KLHL24: variants seen among roughly 807,000 people sequenced by gnomAD.
The protein encoded by KLHL24 is kelch like family member 24.
In KLHL24, 29 loss-of-function variants were observed where a neutral mutation model predicts 53.4. The observed-to-expected ratio is 0.54, with a 90% CI of 0.40 to 0.74. The LOEUF is 0.74. Among genes scored for constraint, KLHL24 ranks in the 30% least tolerant of loss-of-function variants. The pLI is 0.00. For missense variants in KLHL24, 504 were observed against 744.0 expected, an observed-to-expected ratio of 0.68 and a Z score of 3.75; for synonymous variants, 222 against 253.7, an observed-to-expected ratio of 0.88 and a Z score of 1.19.
At chr3:183,639,370 C>T (rs1240921232) in intron 1 of KLHL24, among the ~76,000 whole-genome samples, 3 of 152,256 alleles carry the variant, frequency 2.0e-5, no homozygotes, top group Admixed American at 6.5e-5. Context: ...GTGGCTCACG[C>T]CTGTAATCCC....
At chr3:183,654,716 T>A (rs898887576) in intron 3 of KLHL24, among the ~76,000 whole-genome samples, 1 of 152,184 alleles carries the variant, frequency 6.6e-6, no homozygotes, top group African/African-American at 2.4e-5. Flanking sequence ...TGAAATCTCT[T>A]TTACTTCAAA....
At chr3:183,676,349 G>A (rs773901870) in intron 7 of KLHL24, among the ~76,000 whole-genome samples, 13 of 152,160 alleles carry the variant, frequency 8.5e-5, no homozygotes, top group Non-Finnish European at 1.8e-4. Flanking sequence ...GCCTGCCTCG[G>A]CCTCCCAAAG....
At chr3:183,676,440 T>C (rs1711894025) in intron 7 of KLHL24, among the ~76,000 whole-genome samples, 1 of 152,354 alleles carries the variant, frequency 6.6e-6, no homozygotes, top group South Asian at 2.1e-4. Context: ...CGTGTGTGAT[T>C]GTTTACCCTT....
At chr3:183,649,460 A>G (rs1717809011) in intron 2 of KLHL24, among the ~76,000 whole-genome samples, 1 of 144,688 alleles carries the variant, frequency 6.9e-6, no homozygotes, top group Non-Finnish European at 1.5e-5. Context: ...TCAATACAGC[A>G]TTGGACATCT....
Position 183,650,992 on chromosome 3 carries a change from T to TA in KLHL24, c.637dup (p.Ile213AsnfsTer2). The TA allele has an allele frequency of 6.2e-7, 1 of 1,614,212 alleles. No individual in the cohort carries two copies. Among genetic ancestry groups the TA allele is most frequent in the Non-Finnish European group, 8.5e-7 (1 of 1,180,034 alleles). Reference sequence around the variant, plus strand: ...TTCTTGAGCTTGACAAAGATGAACTTATTGATTATATTTGTAGTGATGAAC... The same window carrying TA: ...TTCTTGAGCTTGACAAAGATGAACTTAATTGATTATATTTGTAGTGATGAAC... On this transcript the variant is annotated frameshift_variant, in exon 3 of 8. Coordinates refer to ENST00000242810, the MANE Select transcript of KLHL24 (RefSeq NM_017644.3). LOFTEE classifies it high-confidence loss of function. This position sits in a 1 kb window ranked among gnomAD's most constrained non-coding sequence, Gnocchi z 4.5.
intron 1 of KLHL24, chr3:183,636,444 G>C (rs1404450816): frequency 2.6e-5 from 4 of 152,198 alleles, no homozygotes; most frequent in Non-Finnish European, 5.9e-5. Flanking sequence ...GCGACACCCG[G>C]CCCGCTGCGG....
intron 1 of KLHL24, among the ~76,000 whole-genome samples, chr3:183,642,462 C>T (rs896124476): frequency 2.0e-5 from 3 of 151,872 alleles, no homozygotes; most frequent in East Asian, 3.9e-4. Context: ...TTTGTCTAAA[C>T]TTGTTAAGAA....
intron 7 of KLHL24, among the ~76,000 whole-genome samples, chr3:183,675,020 A>G (rs938608436): frequency 6.6e-6 from 1 of 152,118 alleles, no homozygotes; most frequent in African/African-American, 2.4e-5. Flanking sequence ...CATACCTCTT[A>G]TGGCAATTGT....
intron 3 of KLHL24, among the ~76,000 whole-genome samples, chr3:183,657,021 C>T (rs996813270): frequency 2.0e-5 from 3 of 152,108 alleles, no homozygotes; most frequent in African/African-American, 7.2e-5. Flanking sequence ...CCATATTTCC[C>T]ATACCAGCCT....
rs753923545 is a variant in KLHL24 at position 183,664,878 on chromosome 3, T to C, written c.1106-43T>C. On this transcript the variant is annotated intron_variant, in intron 4 of 7. Transcript: ENST00000242810. ...GGCACAGATCTCTTGGTGACAGCTA[T>C]ATCATGATAAATTATCGTGTGTGCA... 2.6e-6 allele frequency: 3 copies of C among 1,159,228 alleles called. No homozygotes were observed. In the South Asian group the frequency reaches 4.1e-5, roughly 16 times the overall value. 71.8% of individuals were successfully genotyped at this position (1,159,228 alleles called of 1,614,324 possible).
chr3:183,679,038 C>G (rs748152884), intron 7 of KLHL24, 48 bp from the exon 8 acceptor site: 7 of 1,457,950 alleles, frequency 4.8e-6, no homozygotes, highest in Non-Finnish European at 6.7e-6. Flanking sequence ...GTTACCAAAT[C>G]CTTTATCTTC....
At chr3:183,670,884 A>G (rs142711551) in intron 5 of KLHL24, 150 bp from the exon 6 acceptor site, 6,788 of 589,794 alleles carry the variant, frequency 0.012, 58 homozygotes, top group Non-Finnish European at 0.016. Context: ...TGATTTTTTA[A>G]AAGGTTCAGA....
chr3:183,665,881 C>CA (rs1720478478), intron 5 of KLHL24, among the ~76,000 whole-genome samples: 1 of 129,734 alleles, frequency 7.7e-6, no homozygotes, highest in African/African-American at 3.2e-5. Context: ...ACCTGAGAAT[C>CA]AAACTTTTTT....
rs1400054103 is a variant in KLHL24 at position 183,679,440 on chromosome 3, A to G, written c.*154A>G. 3 of 615,764 alleles carry G rather than the reference A, an allele frequency of 4.9e-6. No individual in the cohort carries two copies. The highest frequency in any genetic ancestry group is 3.1e-5 in the Admixed American group (1 of 32,228). The allele number at this position is 615,764 out of a possible 1,614,324, so 38.1% of individuals were successfully genotyped here. A position where few individuals can be genotyped will look rare whatever the true frequency, so the allele number is the denominator to read the frequency against. The stretch of plus-strand genomic sequence containing the variant: ...TTTCTCCTCAAAATATCAATCTTTC[A>G]AACTATAATAAAGCCTTTCCTATAA... On this transcript the variant is annotated 3_prime_UTR_variant, in exon 8 of 8. Coordinates refer to ENST00000242810, the MANE Select transcript of KLHL24 (RefSeq NM_017644.3).
intron 3 of KLHL24, among the ~76,000 whole-genome samples, chr3:183,655,380 C>T (rs905042432): frequency 1.3e-5 from 2 of 152,136 alleles, no homozygotes; most frequent in Non-Finnish European, 2.9e-5. Flanking sequence ...TAATCAAGCA[C>T]TTTGGGAGGC....
In KLHL24 at chr3:183,679,526, G is replaced by A; in HGVS notation, c.*240G>A. ...GGTTGTTACTTGGCCTTTGAAGAGT[G>A]TACCTTTGTAAGTATTTGTAAGAAG... On this transcript the variant is annotated 3_prime_UTR_variant, in exon 8 of 8. Transcript: ENST00000242810. 1 of 455,926 alleles carries A rather than the reference G, an allele frequency of 2.2e-6. No individual in the cohort carries two copies. 28.2% of individuals were successfully genotyped at this position (455,926 alleles called of 1,614,324 possible).
intron 2 of KLHL24, among the ~76,000 whole-genome samples, chr3:183,644,359 A>C (rs1490215788): frequency 6.6e-6 from 1 of 152,110 alleles, no homozygotes; most frequent in Non-Finnish European, 1.5e-5. Flanking sequence ...TCATTTATAC[A>C]TAGGAAGTGT....
intron 3 of KLHL24, among the ~76,000 whole-genome samples, chr3:183,652,923 A>G (rs912946901): frequency 6.6e-6 from 1 of 152,182 alleles, no homozygotes; most frequent in Non-Finnish European, 1.5e-5. Flanking sequence ...TAGAGTAGGA[A>G]CCAAGGGTTA....
At chr3:183,675,372 G>A (rs1352248616) in intron 7 of KLHL24, among the ~76,000 whole-genome samples, 1 of 152,070 alleles carries the variant, frequency 6.6e-6, no homozygotes, top group Non-Finnish European at 1.5e-5. Context: ...GACATAATAG[G>A]CACTTCAGCT....
Sources: gnomAD v4.1 joint callset for allele counts (sites outside exome capture counted in the v4.1 genomes callset) on GRCh38, gnomAD v4.1.1 for gene constraint, Gnocchi (gnomAD v3.1) non-coding constraint, MANE v1.5 for transcripts, NCBI Gene and HGNC (gene_info 2026-07-23, HGNC 2026-07-21) for gene names.